The following EVC variants were observed in gnomAD, a reference collection of about 807,000 sequenced individuals.
EVC encodes evC complex member EVC.
A neutral mutation model predicts 118.9 loss-of-function variants in EVC; 116 were observed. The ratio of observed to expected loss-of-function variants is 0.98; its 90% CI spans 0.84 to 1.14. The LOEUF (loss-of-function observed/expected upper bound fraction) is 1.14, where lower values mean the gene tolerates loss of function less well. Ranked by LOEUF, EVC falls within the 50% of genes most tolerant of loss-of-function variation. The pLI, the probability that EVC is intolerant of heterozygous loss-of-function variation, is 0.00. For missense variants in EVC, 1,401 were observed against 1,246.4 expected (o/e 1.12, Z -1.87); for synonymous variants, 619 against 534.7 (o/e 1.16, Z -2.18).
Position 5,798,451 on chromosome 4 carries a change from A to G in EVC, c.2098-135A>G. ...ATTGATTTTTGCAAGCCCAGAGGCC[A>G]CCTCTTTCTGCCCTTTCTCCATCCC... is the stretch of plus-strand genomic sequence containing the variant. On this transcript the variant is annotated intron_variant, in intron 14 of 20. Coordinates refer to ENST00000264956, the MANE Select transcript of EVC (RefSeq NM_153717.3). The surrounding 1 kb of genome is among the most constrained non-coding windows in gnomAD (Gnocchi z 4.1). The G allele has an allele frequency of 1.1e-6, 1 of 876,942 alleles. No homozygotes were observed. Among genetic ancestry groups the G allele is most frequent in the Non-Finnish European group, 1.9e-6 (1 of 540,460 alleles). The allele number at this position is 876,942 out of a possible 1,614,324, so 54.3% of individuals were successfully genotyped here. A position where few individuals can be genotyped will look rare whatever the true frequency, so the allele number is the denominator to read the frequency against.
intron 17 of EVC, among the ~76,000 whole-genome samples, chr4:5,807,214 C>G (rs896432609): frequency 6.6e-6 from 1 of 152,052 alleles, no homozygotes; most frequent in African/African-American, 2.4e-5. Flanking sequence ...ACCTGGCAGG[C>G]CAGAGATACT....
At chr4:5,794,557 C>G (rs898318757) in intron 13 of EVC, among the ~76,000 whole-genome samples, 8 of 151,074 alleles carry the variant, frequency 5.3e-5, no homozygotes, top group Non-Finnish European at 1.0e-4. Flanking sequence ...ATTACAGGTG[C>G]CCACCATCAT....
rs1364516077 is a variant in EVC, at chr4:5,765,686, T to C, written c.1563+9324T>C. On this transcript the variant is annotated intron_variant, in intron 11 of 20. Coordinates refer to ENST00000264956, the MANE Select transcript of EVC (RefSeq NM_153717.3). Reference sequence around the variant, plus strand: ...CCTTCTTTGTCTCTTTTGATCTTTGTTGGTTTAAAGTCTGTTTTATCAGAG... The same window carrying C: ...CCTTCTTTGTCTCTTTTGATCTTTGCTGGTTTAAAGTCTGTTTTATCAGAG... Among the ~76,000 whole-genome samples the C allele has an allele frequency of 3.2e-5, 4 of 126,320 alleles. 1 individual carries two copies. Among genetic ancestry groups the C allele is most frequent in the African/African-American group, 1.2e-4 (4 of 33,270 alleles). 82.9% of individuals were successfully genotyped at this position (126,320 alleles called of 152,430 possible). A position where few individuals can be genotyped will look rare whatever the true frequency, so the allele number is the denominator to read the frequency against.
rs756905795 is a variant in EVC at position 5,801,958 on chromosome 4, G to C, written c.2313G>C (p.Leu771=). 1 of 1,613,416 alleles carries C rather than the reference G, an allele frequency of 6.2e-7. No individual in the cohort carries two copies. The highest frequency in any genetic ancestry group is 8.5e-7 in the Non-Finnish European group (1 of 1,179,996). Residue 771 remains leucine (L), a synonymous_variant, in exon 16 of 21, where the codon CTG becomes CTC. Transcript: ENST00000264956. ...AKDRDDFKRT[L]MEAAVESVYV... is the part of the protein sequence containing the mutation. The stretch of plus-strand genomic sequence containing the variant: ...TTCCTTTCTTCCCTCAGAGGACACT[G>C]ATGGAGGCGGCAGTGGAGAGCGTCT...
At chr4:5,778,046 T>A (rs1184589586) in intron 11 of EVC, among the ~76,000 whole-genome samples, 2 of 145,330 alleles carry the variant, frequency 1.4e-5, no homozygotes, top group Admixed American at 1.4e-4. Flanking sequence ...TGTCCATGTG[T>A]TCTCATTGTT....
chr4:5,773,094 C>G (rs1043556504), intron 11 of EVC, among the ~76,000 whole-genome samples: 1 of 152,222 alleles, frequency 6.6e-6, no homozygotes, highest in African/African-American at 2.4e-5. Flanking sequence ...GTCCCTGGCA[C>G]AGGGCCTTGC....
the EVC span, chr4:5,828,439 T>TGAGG: frequency 6.3e-7 from 1 of 1,590,936 alleles, no homozygotes; most frequent in Non-Finnish European, 8.6e-7. Context: ...CAAGAGACGC[T>TGAGG]GTCGGCTCTG....
chr4:5,759,557 A>G (rs1731689464), intron 11 of EVC, among the ~76,000 whole-genome samples: 1 of 152,110 alleles, frequency 6.6e-6, no homozygotes, highest in African/African-American at 2.4e-5. Flanking sequence ...ATGGTAGCTT[A>G]TTGGATTCTC....
chr4:5,716,798 A>G (rs898288321), intron 1 of EVC, among the ~76,000 whole-genome samples: 1 of 152,176 alleles, frequency 6.6e-6, no homozygotes, highest in East Asian at 1.9e-4. Flanking sequence ...GCAGGCCCTT[A>G]AAAAGGGGGG....
chr4:5,753,060 G>A lies in EVC; in HGVS notation c.1315+8G>A, dbSNP rs550411377. The A allele has an allele frequency of 6.9e-5, 108 of 1,575,462 alleles. 3 individuals carry two copies. In the South Asian group the frequency reaches 8.3e-4, roughly 12 times the overall value. The stretch of plus-strand genomic sequence containing the variant: ...CAGAGCGCTTCAGCCGGGGTGAGCC[G>A]TGGGCATGGGTGCCGCCGTCCACAA... On this transcript the variant is annotated splice_region_variant and intron_variant, in intron 9 of 20. Coordinates refer to ENST00000264956, the MANE Select transcript of EVC (RefSeq NM_153717.3).
chr4:5,715,116 G>C (rs974547704), intron 1 of EVC, among the ~76,000 whole-genome samples: 1 of 151,894 alleles, frequency 6.6e-6, no homozygotes, highest in African/African-American at 2.4e-5. Flanking sequence ...ATCTGGCCTT[G>C]GTTTTTTCAT....
rs1020221718 is a variant in EVC, at chr4:5,711,274, G to A, written c.-107G>A. On this transcript the variant is annotated 5_prime_UTR_variant, in exon 1 of 21. Transcript: ENST00000264956. ...GCACAGGCCAGAAAGTCTGCGGAGC[G>A]GGCCGCGCCCCTGGCCCGCCCGGGC... 1.5e-5 allele frequency: 11 copies of A among 730,392 alleles called. No homozygotes were observed. The African/African-American group carries it at 1.7e-4, about 11-fold the overall frequency. 45.2% of individuals were successfully genotyped at this position (730,392 alleles called of 1,614,324 possible). A position where few individuals can be genotyped will look rare whatever the true frequency, so the allele number is the denominator to read the frequency against.
chr4:5,720,821 G>C (rs997361814), intron 2 of EVC, among the ~76,000 whole-genome samples: 1 of 152,206 alleles, frequency 6.6e-6, no homozygotes, highest in African/African-American at 2.4e-5. Context: ...TTGATAATGG[G>C]CATCTGCTAG....
chr4:5,779,504 T>C (rs1000603426), intron 11 of EVC, among the ~76,000 whole-genome samples: 1 of 149,292 alleles, frequency 6.7e-6, no homozygotes, highest in Admixed American at 6.7e-5. Flanking sequence ...GTTTGTATCC[T>C]CTTTTATTTC....
intron 2 of EVC, among the ~76,000 whole-genome samples, chr4:5,725,840 A>G (rs931621923): frequency 4.6e-5 from 7 of 152,056 alleles, no homozygotes; most frequent in Non-Finnish European, 1.0e-4. Flanking sequence ...GGGTTTTTAT[A>G]GTTTTGGGTT....
At chr4:5,770,412 A>G (rs1417578319) in intron 11 of EVC, among the ~76,000 whole-genome samples, 1 of 152,172 alleles carries the variant, frequency 6.6e-6, no homozygotes, top group East Asian at 1.9e-4. Flanking sequence ...GAGAGGTGAC[A>G]TACCAGGGGC....
chr4:5,781,309 C>T (rs1427710848), intron 11 of EVC, among the ~76,000 whole-genome samples: 3 of 152,046 alleles, frequency 2.0e-5, no homozygotes, highest in Admixed American at 1.3e-4. Context: ...CAGACCCTAG[C>T]GCGACAAAGC....
At chr4:5,808,827 AGT>A (rs1253007535) in intron 18 of EVC, among the ~76,000 whole-genome samples, 3 of 152,222 alleles carry the variant, frequency 2.0e-5, no homozygotes, top group Non-Finnish European at 1.5e-5. Context: ...GAGAGTATAA[AGT>A]GTGGCTAAGC....
rs34947207 is a variant in EVC at position 5,748,248 on chromosome 4, C to G, written c.1040C>G (p.Thr347Arg). 3 of 1,613,946 alleles carry G rather than the reference C, an allele frequency of 1.9e-6. No homozygotes were observed. The highest frequency in any genetic ancestry group is 2.5e-6 in the Non-Finnish European group (3 of 1,180,038). Residue 347 changes from threonine to arginine, a missense_variant, in exon 8 of 21, where the codon ACG becomes AGG. Thr to Arg is a moderately conservative substitution (Grantham distance 71). Transcript: ENST00000264956. ...GCCCGACAGCTGATGATGACTCTGA[C>G]GGAAAGAATGATTGCAGCCGAAGGG... ...SKARQLMMTLTERMIAAEGLL... is the reference protein window; with the variant it reads ...SKARQLMMTLRERMIAAEGLL...
Sources: allele counts gnomAD v4.1 joint callset (sites outside exome capture counted in the v4.1 genomes callset), GRCh38; gene constraint gnomAD v4.1.1; non-coding constraint Gnocchi (gnomAD v3.1); transcripts MANE v1.5; gene names NCBI Gene and HGNC (gene_info 2026-07-23, HGNC 2026-07-21).